The following ACCS variants were observed in gnomAD, a reference collection of about 807,000 sequenced individuals.
ACCS encodes the protein 1-aminocyclopropane-1-carboxylate synthase-like protein 1.
Under a neutral mutation model 59.8 loss-of-function variants are expected in ACCS, and 42 were observed. The observed-to-expected ratio is 0.70, with a 90% CI of 0.55 to 0.91. The LOEUF is 0.91. Ranked by LOEUF, ACCS falls within the 40% of genes least tolerant of loss-of-function variation. ACCS has a pLI of 0.00. For missense variants in ACCS, 602 were observed against 630.4 expected (o/e 0.95, Z 0.48); for synonymous variants, 230 against 240.3 (o/e 0.96, Z 0.40).
At position 44,084,162 on chromosome 11, in the gene ACCS, A is replaced by T. The variant is rs2134911872; in HGVS notation, c.*370A>T. On this transcript the variant is annotated 3_prime_UTR_variant, in exon 15 of 15. Transcript: ENST00000263776. The stretch of plus-strand genomic sequence containing the variant: ...TCACCGTCATTCCTCTTTCTTTGTC[A>T]CCAAGGAAACGAGTCAAAGGAACAG... The T allele has an allele frequency of 4.8e-6, 1 of 206,418 alleles. No individual in the cohort carries two copies. Among genetic ancestry groups the T allele is most frequent in the East Asian group, 1.2e-4 (1 of 8,242 alleles). 12.8% of individuals were successfully genotyped at this position (206,418 alleles called of 1,614,324 possible). A position where few individuals can be genotyped will look rare whatever the true frequency, so the allele number is the denominator to read the frequency against.
chr11:44,070,128 A>T (rs11826285), intron 2 of ACCS, among the ~76,000 whole-genome samples: 37,070 of 151,976 alleles, frequency 0.24, 5,974 homozygotes, highest in African/African-American at 0.44. Flanking sequence ...AGGTGATAGA[A>T]CCTGTAGGGC....
chr11:44,082,284 G>C (rs1953675413), intron 12 of ACCS: 1 of 152,148 alleles, frequency 6.6e-6, no homozygotes, highest in Non-Finnish European at 1.5e-5. Context: ...CCTACTCCTA[G>C]ATATTGACCT....
At chr11:44,079,439 C>T in intron 9 of ACCS, 92 bp from the exon 10 acceptor site, 5 of 1,039,698 alleles carry the variant, frequency 4.8e-6, no homozygotes, top group Non-Finnish European at 7.2e-6. Flanking sequence ...GACCCCGGCC[C>T]CTCTGGATTT....
chr11:44,073,926 T>A (rs1953185908), intron 4 of ACCS, among the ~76,000 whole-genome samples: 1 of 152,188 alleles, frequency 6.6e-6, no homozygotes, highest in Non-Finnish European at 1.5e-5. Context: ...CTTTTCCTAA[T>A]GCTAAGAGGG....
chr11:44,074,164 G>T (rs1014886313), intron 4 of ACCS, among the ~76,000 whole-genome samples: 2 of 151,962 alleles, frequency 1.3e-5, no homozygotes, highest in Admixed American at 1.3e-4. Context: ...CTTAGTTTTT[G>T]TTTCTTTGCC....
intron 6 of ACCS, 95 bp downstream of exon 6, chr11:44,075,687 T>C: frequency 7.0e-7 from 1 of 1,432,392 alleles, no homozygotes; most frequent in Middle Eastern, 1.8e-4. Flanking sequence ...TAGTATGCTT[T>C]CGGGCACAAT....
chr11:44,078,655 G>T (rs1953489555), intron 8 of ACCS, 29 bp from the exon 9 acceptor site: 4 of 1,608,618 alleles, frequency 2.5e-6, no homozygotes, highest in Non-Finnish European at 3.4e-6. Context: ...GAAGAGCTGA[G>T]GGTCTCCTGC....
rs1334295558 is a variant in ACCS at position 44,081,267 on chromosome 11, A to C, written c.1058A>C (p.His353Pro). The change falls in exon 12 of 15, where the codon CAC becomes CCC. Residue 353 changes from histidine (H) to proline (P), a missense_variant. Transcript: ENST00000263776. ...ATAVASLCRY[H>P]GLSGLVQYQM... ...GCCGTGGCTTCCCTCTGCCGCTACC[A>C]CGGCCTCAGTGGCTTGGTCCAGTAC... is the stretch of plus-strand genomic sequence containing the variant. The C allele has an allele frequency of 6.2e-7, 1 of 1,614,234 alleles. No individual in the cohort carries two copies. Among genetic ancestry groups the C allele is most frequent in the Non-Finnish European group, 8.5e-7 (1 of 1,180,032 alleles).
chr11:44,077,835 C>T lies in ACCS; in HGVS notation c.655-10C>T, dbSNP rs1273264066. ...AATGTGGCTGGTGGCTCTGATGGGTCTTTTTCCAGGTCACTGGGCTAGACA... is the reference window on the plus strand; with the variant it reads ...AATGTGGCTGGTGGCTCTGATGGGTTTTTTTCCAGGTCACTGGGCTAGACA... On this transcript the variant is annotated splice_polypyrimidine_tract_variant and intron_variant, in intron 7 of 14. Coordinates refer to ENST00000263776, the MANE Select transcript of ACCS (RefSeq NM_032592.4). 59 of 1,612,512 alleles carry T rather than the reference C, an allele frequency of 3.7e-5. No homozygotes were observed. Among genetic ancestry groups the T allele is most frequent in the Non-Finnish European group, 4.7e-5 (55 of 1,179,332 alleles).
Position 44,077,451 on chromosome 11 carries a change from T to G in ACCS, c.654+75T>G, listed in dbSNP as rs1953426847. ...AGTTTCCTGGGTCTGAATTTGAGGGTGGTCCATGCTGAGGGCTCTGGGGTT... is the reference window on the plus strand; with the variant it reads ...AGTTTCCTGGGTCTGAATTTGAGGGGGGTCCATGCTGAGGGCTCTGGGGTT... On this transcript the variant is annotated intron_variant, in intron 7 of 14. Coordinates refer to ENST00000263776, the MANE Select transcript of ACCS (RefSeq NM_032592.4). The G allele has an allele frequency of 1.9e-6, 3 of 1,598,112 alleles. No homozygotes were observed. The African/African-American group carries it at 4.0e-5, about 21-fold the overall frequency.
chr11:44,079,671 G>A, intron 10 of ACCS, 51 bp downstream of exon 10: 4 of 1,533,706 alleles, frequency 2.6e-6, no homozygotes, highest in Non-Finnish European at 3.6e-6. Context: ...ATCCCACGGA[G>A]CCCTGGCCAC....
intron 12 of ACCS, among the ~76,000 whole-genome samples, chr11:44,082,394 A>G (rs1041451214): frequency 1.3e-5 from 2 of 152,240 alleles, no homozygotes; most frequent in Non-Finnish European, 2.9e-5. Context: ...GTCCTTCCAC[A>G]GATGTGTGGA....
chr11:44,080,964 CAT>C (rs1182821656), intron 10 of ACCS, 54 bp from the exon 11 acceptor site: 2 of 1,603,408 alleles, frequency 1.2e-6, no homozygotes, highest in African/African-American at 1.3e-5. Flanking sequence ...CAACCAAACA[CAT>C]GTGGGTTTCC....
chr11:44,078,147 T>A, intron 8 of ACCS: 1 of 564,488 alleles, frequency 1.8e-6, no homozygotes, highest in Non-Finnish European at 3.1e-6. Context: ...TCACAGAGAA[T>A]CAACCAGGGA....
intron 2 of ACCS, among the ~76,000 whole-genome samples, chr11:44,070,704 G>C (rs1197852210): frequency 1.3e-5 from 2 of 152,152 alleles, no homozygotes; most frequent in Non-Finnish European, 2.9e-5. Context: ...TGATGTTGCA[G>C]GGTCTCCTGG....
At chr11:44,071,144 G>C (rs1270478355) in intron 2 of ACCS, 112 bp from the exon 3 acceptor site, 1 of 1,050,968 alleles carries the variant, frequency 9.5e-7, no homozygotes, top group Non-Finnish European at 1.5e-6. Context: ...TGTTTGAAAG[G>C]GTGGGATTGT....
intron 9 of ACCS, chr11:44,079,247 C>G (rs1953524019): frequency 4.6e-6 from 2 of 436,616 alleles, no homozygotes; most frequent in African/African-American, 4.0e-5. Context: ...ACCTGGGTCT[C>G]TCCGACTCGA....
intron 2 of ACCS, 61 bp downstream of exon 2, chr11:44,067,976 C>G (rs1952870131): frequency 6.6e-7 from 1 of 1,505,386 alleles, no homozygotes. Flanking sequence ...GGTACCCTAC[C>G]TTGACCAATA....
intron 12 of ACCS, chr11:44,081,945 C>CAACTTTT (rs1469503067): frequency 1.3e-5 from 2 of 152,352 alleles, no homozygotes; most frequent in South Asian, 2.1e-4. Flanking sequence ...GTTTAAATAG[C>CAACTTTT]AAAGGTTACC....
Sources: gnomAD v4.1 joint callset for allele counts (sites outside exome capture counted in the v4.1 genomes callset) on GRCh38, gnomAD v4.1.1 for gene constraint, MANE v1.5 for transcripts, NCBI Gene and HGNC (gene_info 2026-07-23, HGNC 2026-07-21) for gene names.